DLG2: variants seen among roughly 807,000 people sequenced by gnomAD.
DLG2 encodes the protein disks large homolog 2.
Under a neutral mutation model 132.5 loss-of-function variants are expected in DLG2, and 45 were observed. The observed-to-expected ratio is 0.34, with a 90% CI of 0.27 to 0.44. The LOEUF (loss-of-function observed/expected upper bound fraction) is 0.44. Among genes scored for constraint, DLG2 ranks in the 20% least tolerant of loss-of-function variants. DLG2 has a pLI of 1.00. For missense variants in DLG2, 1,045 were observed against 1,196.9 expected, an observed-to-expected ratio of 0.87 and a Z score of 1.87; for synonymous variants, 424 against 419.6, an observed-to-expected ratio of 1.01 and a Z score of -0.13.
At chr11:84,438,941 G>A (rs1338541078) in intron 7 of DLG2, among the ~76,000 whole-genome samples, 2 of 152,136 alleles carry the variant, frequency 1.3e-5, no homozygotes, top group African/African-American at 4.8e-5. Flanking sequence ...GTCACTTGAG[G>A]TCTATCCCTT....
chr11:83,607,272 CAG>C (rs1451288699), intron 19 of DLG2, among the ~76,000 whole-genome samples: 1 of 152,218 alleles, frequency 6.6e-6, no homozygotes, highest in Non-Finnish European at 1.5e-5. Context: ...TCACGATGTA[CAG>C]AGAAACCTTT....
At chr11:84,538,053 C>T (rs1182007209) in intron 6 of DLG2, among the ~76,000 whole-genome samples, 3 of 152,142 alleles carry the variant, frequency 2.0e-5, no homozygotes, top group South Asian at 4.1e-4. Flanking sequence ...AAAAGAACAA[C>T]CCTTGACTTC....
intron 7 of DLG2, among the ~76,000 whole-genome samples, chr11:84,269,714 C>A (rs935087217): frequency 1.3e-5 from 2 of 152,118 alleles, no homozygotes; most frequent in Admixed American, 1.3e-4. Flanking sequence ...AATAGTATTG[C>A]GACTTCTTTT....
rs190424115 is a variant in DLG2, at chr11:84,042,860, C to A, written c.919+16455G>T. Among the ~76,000 whole-genome samples, 210 of 151,832 alleles carry A rather than the reference C, an allele frequency of 1.4e-3. 2 individuals are homozygous for A. Among genetic ancestry groups the A allele is most frequent in the Non-Finnish European group, 1.8e-3 (122 of 67,858 alleles). ...GAACACATGGACACATGGGGAAAAA[C>A]AACACATACTGGGGCCTGTAGGGGG... On this transcript the variant is annotated intron_variant, in intron 11 of 27. Coordinates refer to ENST00000376104, the MANE Select transcript of DLG2 (RefSeq NM_001142699.3).
At chr11:84,298,538 C>T (rs2098118403) in intron 7 of DLG2, among the ~76,000 whole-genome samples, 1 of 152,190 alleles carries the variant, frequency 6.6e-6, no homozygotes, top group African/African-American at 2.4e-5. Flanking sequence ...TTTTCAGGTC[C>T]TATCCTGGCA....
chr11:83,864,182 T>C (rs1036217579), intron 16 of DLG2, among the ~76,000 whole-genome samples: 3 of 152,218 alleles, frequency 2.0e-5, no homozygotes, highest in African/African-American at 7.2e-5. Flanking sequence ...AATCACCTGA[T>C]AAAAATTACT....
chr11:83,640,120 G>T (rs2066050407), intron 18 of DLG2, among the ~76,000 whole-genome samples: 1 of 152,148 alleles, frequency 6.6e-6, no homozygotes. Flanking sequence ...TAAGATCACT[G>T]AGCTGTAAAC....
intron 3 of DLG2, among the ~76,000 whole-genome samples, chr11:85,546,900 T>C (rs1196870352): frequency 6.6e-6 from 1 of 151,710 alleles, no homozygotes; most frequent in Non-Finnish European, 1.5e-5. Context: ...ATGTGTGTCT[T>C]TGCATGTGAG....
chr11:84,540,312 C>A (rs1390740679), intron 6 of DLG2, among the ~76,000 whole-genome samples: 23 of 150,264 alleles, frequency 1.5e-4, no homozygotes, highest in African/African-American at 5.1e-4. Flanking sequence ...GGCTAATATC[C>A]AGAATCCACA....
At chr11:85,269,648 G>C (rs186513903) in intron 4 of DLG2, among the ~76,000 whole-genome samples, 11 of 152,266 alleles carry the variant, frequency 7.2e-5, no homozygotes, top group African/African-American at 2.4e-4. Flanking sequence ...AATGTTAACT[G>C]TTCACAATAG....
chr11:83,997,023 C>T (rs1429836149), intron 11 of DLG2, among the ~76,000 whole-genome samples: 3 of 151,968 alleles, frequency 2.0e-5, no homozygotes, highest in Admixed American at 2.0e-4. Context: ...ATATCCCACT[C>T]TCCATGATAT....
chr11:84,250,115 G>A (rs1211994222), intron 8 of DLG2, among the ~76,000 whole-genome samples: 1 of 152,174 alleles, frequency 6.6e-6, no homozygotes, highest in Admixed American at 6.5e-5. Flanking sequence ...TTGTTTGGCA[G>A]ACACAGTGTT....
intron 7 of DLG2, among the ~76,000 whole-genome samples, chr11:84,252,853 G>C (rs1335956006): frequency 5.3e-5 from 8 of 152,150 alleles, no homozygotes; most frequent in African/African-American, 1.7e-4. Flanking sequence ...ATACGACATG[G>C]TGGTTTTGGA....
intron 11 of DLG2, among the ~76,000 whole-genome samples, chr11:84,034,453 T>A (rs1053989465): frequency 6.6e-5 from 10 of 152,176 alleles, no homozygotes; most frequent in Non-Finnish European, 1.5e-4. Flanking sequence ...GACTGCAATA[T>A]CTCTGAGGTA....
intron 17 of DLG2, among the ~76,000 whole-genome samples, chr11:83,811,780 T>G (rs117051170): frequency 3.9e-5 from 6 of 152,002 alleles, no homozygotes; most frequent in Non-Finnish European, 7.4e-5. Context: ...AAGAACAACA[T>G]TGGAGTTGTC....
At chr11:83,814,675 A>G (rs564948968) in intron 17 of DLG2, 35 of 157,434 alleles carry the variant, frequency 2.2e-4, no homozygotes, top group Non-Finnish European at 4.3e-4. Flanking sequence ...TTTCTGTTCA[A>G]TCTGTTACAG....
chr11:85,149,201 C>T (rs1180751106), intron 5 of DLG2, among the ~76,000 whole-genome samples: 1 of 152,130 alleles, frequency 6.6e-6, no homozygotes, highest in African/African-American at 2.4e-5. Context: ...CAGCTTTGTT[C>T]TTTTTGCTCA....
chr11:84,371,228 A>C (rs2154428762), intron 7 of DLG2, among the ~76,000 whole-genome samples: 1 of 152,004 alleles, frequency 6.6e-6, no homozygotes, highest in Non-Finnish European at 1.5e-5. Context: ...TTATAAACCA[A>C]AAGAAAAAAA....
chr11:84,462,130 T>C (rs1367454968), intron 7 of DLG2, among the ~76,000 whole-genome samples: 1 of 150,834 alleles, frequency 6.6e-6, no homozygotes, highest in African/African-American at 2.4e-5. Flanking sequence ...ATATAACTAT[T>C]ATAATTCTAT....
Sources: gnomAD v4.1 joint callset for allele counts (sites outside exome capture counted in the v4.1 genomes callset) on GRCh38, gnomAD v4.1.1 for gene constraint, MANE v1.5 for transcripts, NCBI Gene and HGNC (gene_info 2026-07-23, HGNC 2026-07-21) for gene names.